CDK6: variants seen among roughly 807,000 people sequenced by gnomAD.
CDK6 encodes the protein cyclin-dependent kinase 6.
CDK6 carries 6 observed loss-of-function variants against 37.1 expected under a neutral mutation model. The ratio of observed to expected loss-of-function variants is 0.16; its 90% CI spans 0.09 to 0.32. CDK6 has a LOEUF of 0.32. Among genes scored for constraint, CDK6 ranks in the 10% least tolerant of loss-of-function variants. The pLI is 1.00. For missense variants in CDK6, 224 were observed against 418.9 expected, an observed-to-expected ratio of 0.53 and a Z score of 4.06; for synonymous variants, 160 against 161.3, an observed-to-expected ratio of 0.99 and a Z score of 0.06.
At chr7:92,631,075 T>C (rs1796039816) in intron 5 of CDK6, among the ~76,000 whole-genome samples, 1 of 152,160 alleles carries the variant, frequency 6.6e-6, no homozygotes, top group African/African-American at 2.4e-5. Flanking sequence ...CAGTCTTGCT[T>C]TATACTGTGC....
At chr7:92,777,021 T>C (rs960583976) in intron 2 of CDK6, among the ~76,000 whole-genome samples, 2 of 152,134 alleles carry the variant, frequency 1.3e-5, no homozygotes, top group African/African-American at 2.4e-5. Flanking sequence ...TTTTCTAGGG[T>C]TTTTATGGTT....
intron 4 of CDK6, among the ~76,000 whole-genome samples, chr7:92,675,948 A>G (rs1347358872): frequency 6.6e-6 from 1 of 151,976 alleles, no homozygotes; most frequent in Non-Finnish European, 1.5e-5. Flanking sequence ...TTAATGTTGT[A>G]AATTTTTGTT....
chr7:92,702,928 A>G (rs1797886672), intron 4 of CDK6, among the ~76,000 whole-genome samples: 1 of 152,160 alleles, frequency 6.6e-6, no homozygotes. Flanking sequence ...GTTTAATGGT[A>G]TCCCTAGGCT....
intron 2 of CDK6, among the ~76,000 whole-genome samples, chr7:92,830,990 A>G (rs976844766): frequency 1.3e-5 from 2 of 152,236 alleles, no homozygotes; most frequent in African/African-American, 4.8e-5. Flanking sequence ...AATCCTTTAG[A>G]TATCTGAAGT....
chr7:92,631,333 G>A (rs904221684), intron 5 of CDK6, among the ~76,000 whole-genome samples: 2 of 152,156 alleles, frequency 1.3e-5, no homozygotes, highest in African/African-American at 2.4e-5. Flanking sequence ...GCAAGAGGCT[G>A]TAGAAGACAG....
chr7:92,832,420 C>A (rs1037086351), intron 2 of CDK6, among the ~76,000 whole-genome samples: 1 of 152,112 alleles, frequency 6.6e-6, no homozygotes. Context: ...TATGTCCGCC[C>A]AGAGATATAA....
rs1293302758 is a variant in CDK6, at chr7:92,618,099, G to C, written c.807C>G (p.Ile269Met). Residue 269 changes from isoleucine (I) to methionine (M), a missense_variant, in exon 7 of 8, where the codon ATC (isoleucine) becomes ATG (methionine). Coordinates refer to ENST00000424848, the MANE Select transcript of CDK6 (RefSeq NM_001145306.2). ...AQPIEKFVTD[I>M]DELGKDLLLK... Reference sequence around the variant, plus strand: ...GAAGTAGGTCTTTGCCTAGTTCATCGATATCTGTTACAAACTTCTCAATTG... The same window carrying C: ...GAAGTAGGTCTTTGCCTAGTTCATCCATATCTGTTACAAACTTCTCAATTG... The C allele has an allele frequency of 6.2e-7, 1 of 1,614,064 alleles. No individual in the cohort carries two copies. The highest frequency in any genetic ancestry group is 8.5e-7 in the Non-Finnish European group (1 of 1,179,968).
chr7:92,695,531 G>A (rs1410817711), intron 4 of CDK6, among the ~76,000 whole-genome samples: 1 of 152,172 alleles, frequency 6.6e-6, no homozygotes, highest in African/African-American at 2.4e-5. Context: ...CAGCGGCTAA[G>A]TTCCATGTGA....
At chr7:92,831,244 C>G (rs1273832726) in intron 2 of CDK6, among the ~76,000 whole-genome samples, 1 of 152,172 alleles carries the variant, frequency 6.6e-6, no homozygotes, top group Non-Finnish European at 1.5e-5. Flanking sequence ...ATGGATCAGA[C>G]AAAATCTACA....
At chr7:92,819,111 C>T (rs1801106114) in intron 2 of CDK6, among the ~76,000 whole-genome samples, 1 of 152,002 alleles carries the variant, frequency 6.6e-6, no homozygotes, top group Non-Finnish European at 1.5e-5. Flanking sequence ...AAGACCTGTA[C>T]ACAAATATTC....
Position 92,612,526 on chromosome 7 carries a change from C to G in CDK6, c.*2614G>C, listed in dbSNP as rs374924100. The G allele has an allele frequency of 2.1e-5, 5 of 232,950 alleles. No individual in the cohort carries two copies. Among genetic ancestry groups the G allele is most frequent in the African/African-American group, 6.6e-5 (3 of 45,340 alleles). 14.4% of individuals were successfully genotyped at this position (232,950 alleles called of 1,614,324 possible). A position where few individuals can be genotyped will look rare whatever the true frequency, so the allele number is the denominator to read the frequency against. ...TATTCACTCAAATGCAACAACTACA[C>G]CGATGGAAGAACTGGGGACAGATTT... On this transcript the variant is annotated 3_prime_UTR_variant, in exon 8 of 8. Coordinates refer to ENST00000424848, the MANE Select transcript of CDK6 (RefSeq NM_001145306.2).
intron 3 of CDK6, among the ~76,000 whole-genome samples, chr7:92,769,784 G>C (rs934044057): frequency 1.3e-5 from 2 of 152,082 alleles, no homozygotes; most frequent in Non-Finnish European, 2.9e-5. Flanking sequence ...AAAATGGTGA[G>C]CAAATTTCTT....
chr7:92,770,193 A>G (rs1416946200), intron 3 of CDK6, among the ~76,000 whole-genome samples: 2 of 152,216 alleles, frequency 1.3e-5, no homozygotes, highest in Non-Finnish European at 2.9e-5. Context: ...GACAGCAGCC[A>G]ACAGGCTGCT....
At chr7:92,823,447 A>T (rs1801227696) in intron 2 of CDK6, among the ~76,000 whole-genome samples, 2 of 99,630 alleles carry the variant, frequency 2.0e-5, no homozygotes, top group African/African-American at 1.0e-4. Flanking sequence ...AATATGTAAA[A>T]AAAAAAAAAA....
rs185489232 is a variant in CDK6, at chr7:92,712,594, T to C, written c.537+13032A>G. Among the ~76,000 whole-genome samples, 235 of 152,306 alleles carry C rather than the reference T, an allele frequency of 1.5e-3. 2 individuals carry two copies. The highest frequency in any genetic ancestry group is 0.015 in the Admixed American group (223 of 15,296). On this transcript the variant is annotated intron_variant, in intron 4 of 7. Coordinates refer to ENST00000424848, the MANE Select transcript of CDK6 (RefSeq NM_001145306.2). The stretch of plus-strand genomic sequence containing the variant: ...ACATCCTAAAACCAAGAAGTCGTTA[T>C]AGAAATAAAGATAGAACAATAAATA...
intron 5 of CDK6, among the ~76,000 whole-genome samples, chr7:92,665,952 G>A (rs1278844421): frequency 6.6e-6 from 1 of 152,144 alleles, no homozygotes; most frequent in African/African-American, 2.4e-5. Flanking sequence ...TGTAAGCTCT[G>A]GAAAGAAGTC....
intron 2 of CDK6, among the ~76,000 whole-genome samples, chr7:92,802,567 C>T (rs371046220): frequency 6.4e-4 from 98 of 152,286 alleles, no homozygotes; most frequent in South Asian, 5.2e-3. Context: ...TGCTCGTTTA[C>T]GGTACAAGCA....
At chr7:92,779,809 T>C (rs889444871) in intron 2 of CDK6, among the ~76,000 whole-genome samples, 3 of 152,196 alleles carry the variant, frequency 2.0e-5, no homozygotes, top group Non-Finnish European at 2.9e-5. Context: ...TTAGTCACAA[T>C]GGGTAGGAAA....
chr7:92,688,797 G>A (rs1045207559), intron 4 of CDK6, among the ~76,000 whole-genome samples: 2 of 152,064 alleles, frequency 1.3e-5, no homozygotes, highest in Non-Finnish European at 2.9e-5. Context: ...ACTAAACATA[G>A]AACCATATTT....
Sources: allele counts gnomAD v4.1 joint callset (sites outside exome capture counted in the v4.1 genomes callset), GRCh38; gene constraint gnomAD v4.1.1; transcripts MANE v1.5; gene names NCBI Gene and HGNC (gene_info 2026-07-23, HGNC 2026-07-21).